The following TACR1 variants were observed in gnomAD, a reference collection of about 807,000 sequenced individuals.
TACR1 encodes the protein substance-P receptor.
Under a neutral mutation model 35.8 loss-of-function variants are expected in TACR1, and 25 were observed. The observed-to-expected ratio is 0.70, with a 90% CI of 0.51 to 0.98. TACR1 has a LOEUF of 0.98. TACR1 is among the 50% of genes least tolerant of loss of function. The pLI is 0.00. For missense variants in TACR1, 478 were observed against 522.9 expected, an observed-to-expected ratio of 0.91 and a Z score of 0.84; for synonymous variants, 195 against 206.7, an observed-to-expected ratio of 0.94 and a Z score of 0.48.
chr2:75,142,823 TG>T (rs1674436360), intron 1 of TACR1, among the ~76,000 whole-genome samples: 1 of 152,318 alleles, frequency 6.6e-6, no homozygotes, highest in African/African-American at 2.4e-5. Context: ...TATGGATTCC[TG>T]GGCTCTACCC....
chr2:75,093,947 C>T (rs1036102382), intron 2 of TACR1, among the ~76,000 whole-genome samples: 6 of 152,064 alleles, frequency 3.9e-5, no homozygotes, highest in African/African-American at 9.7e-5. Flanking sequence ...CACAGAGAAG[C>T]ACAGATGTAC....
intron 1 of TACR1, among the ~76,000 whole-genome samples, chr2:75,148,018 T>A (rs1191043389): frequency 6.6e-6 from 1 of 152,040 alleles, no homozygotes; most frequent in Admixed American, 6.5e-5. Context: ...AGTGCTGCGA[T>A]TACAGTTGTG....
intron 2 of TACR1, among the ~76,000 whole-genome samples, chr2:75,064,750 G>C (rs556479062): frequency 3.7e-4 from 57 of 152,312 alleles, no homozygotes; most frequent in African/African-American, 1.2e-3. Context: ...CCCCGATTCA[G>C]CTCCTCAAAT....
intron 1 of TACR1, chr2:75,156,453 A>AG (rs397978585): frequency 1.3e-5 from 2 of 151,110 alleles, no homozygotes; most frequent in African/African-American, 2.4e-5. Flanking sequence ...AAAAAAAAAA[A>AG]TTAGCCGGGC....
At chr2:75,073,146 C>A (rs1672915156) in intron 2 of TACR1, among the ~76,000 whole-genome samples, 1 of 152,250 alleles carries the variant, frequency 6.6e-6, no homozygotes, top group Non-Finnish European at 1.5e-5. Flanking sequence ...CCCTGAGAAT[C>A]TATAGTCACC....
chr2:75,140,909 C>G (rs1005040192), intron 1 of TACR1, among the ~76,000 whole-genome samples: 1 of 152,184 alleles, frequency 6.6e-6, no homozygotes, highest in Non-Finnish European at 1.5e-5. Flanking sequence ...AAAGCCCTAT[C>G]CATGATACGT....
At chr2:75,189,240 G>C (rs1429089422) in intron 1 of TACR1, 1 of 152,182 alleles carries the variant, frequency 6.6e-6, no homozygotes, top group African/African-American at 2.4e-5. Flanking sequence ...AGGGGCTCAG[G>C]TATCGAGATG....
intron 2 of TACR1, among the ~76,000 whole-genome samples, chr2:75,109,402 G>T (rs1673708724): frequency 6.6e-6 from 1 of 152,134 alleles, no homozygotes; most frequent in Non-Finnish European, 1.5e-5. Context: ...TTAAAGACTT[G>T]AGTAGAGACC....
intron 1 of TACR1, among the ~76,000 whole-genome samples, chr2:75,182,655 T>C (rs1417820587): frequency 6.6e-6 from 1 of 152,208 alleles, no homozygotes; most frequent in African/African-American, 2.4e-5. Context: ...AAACTTACCA[T>C]TGTGTTCCAA....
chr2:75,160,522 C>T (rs1156886504), intron 1 of TACR1, among the ~76,000 whole-genome samples: 2 of 151,070 alleles, frequency 1.3e-5, no homozygotes, highest in East Asian at 1.9e-4. Flanking sequence ...TTGCTGGGGA[C>T]AAAAAGGCAG....
intron 2 of TACR1, among the ~76,000 whole-genome samples, chr2:75,061,169 T>C (rs1002486571): frequency 4.0e-5 from 6 of 151,050 alleles, no homozygotes; most frequent in African/African-American, 1.5e-4. Context: ...CATCTTGCGG[T>C]TGGGGGCAAT....
At chr2:75,091,537 C>T (rs567377173) in intron 2 of TACR1, among the ~76,000 whole-genome samples, 2 of 152,248 alleles carry the variant, frequency 1.3e-5, no homozygotes, top group East Asian at 1.9e-4. Flanking sequence ...GAAAAACTAA[C>T]GTTCATAACT....
At chr2:75,111,982 A>G (rs1046247903) in intron 2 of TACR1, among the ~76,000 whole-genome samples, 2 of 152,042 alleles carry the variant, frequency 1.3e-5, no homozygotes, top group African/African-American at 4.8e-5. Context: ...AAAGGCTCCA[A>G]TATGCTATTA....
intron 1 of TACR1, chr2:75,187,632 G>A (rs1415996966): frequency 6.6e-6 from 1 of 152,200 alleles, no homozygotes; most frequent in Non-Finnish European, 1.5e-5. Context: ...TTGTACCGTA[G>A]TGTGATTTTA....
At chr2:75,177,461 A>T (rs1261936532) in intron 1 of TACR1, among the ~76,000 whole-genome samples, 1 of 152,160 alleles carries the variant, frequency 6.6e-6, no homozygotes, top group East Asian at 1.9e-4. Context: ...ATCAACAATA[A>T]CTACATCATT....
At chr2:75,060,620 C>G (rs1334899095) in intron 2 of TACR1, among the ~76,000 whole-genome samples, 3 of 152,162 alleles carry the variant, frequency 2.0e-5, no homozygotes, top group African/African-American at 7.2e-5. Context: ...CCTTTTATGA[C>G]AGACTGGAGA....
At chr2:75,126,084 C>A (rs969966206) in intron 1 of TACR1, among the ~76,000 whole-genome samples, 3 of 152,120 alleles carry the variant, frequency 2.0e-5, no homozygotes, top group Non-Finnish European at 4.4e-5. Context: ...TCACTCTCCA[C>A]CCTGAAGTAG....
At chr2:75,058,889 TC>T (rs1672620188) in intron 2 of TACR1, among the ~76,000 whole-genome samples, 1 of 152,234 alleles carries the variant, frequency 6.6e-6, no homozygotes, top group African/African-American at 2.4e-5. Flanking sequence ...TCTGAAATAA[TC>T]CTCAGCATTT....
At chr2:75,116,961 G>A (rs1673876097) in intron 2 of TACR1, among the ~76,000 whole-genome samples, 1 of 151,940 alleles carries the variant, frequency 6.6e-6, no homozygotes, top group Non-Finnish European at 1.5e-5. Context: ...ACTTCTTCTA[G>A]CAGTTGACAA....
Sources: allele counts gnomAD v4.1 joint callset (sites outside exome capture counted in the v4.1 genomes callset), GRCh38; gene constraint gnomAD v4.1.1; transcripts MANE v1.5; gene names NCBI Gene and HGNC (gene_info 2026-07-23, HGNC 2026-07-21).